The following ALG13 variants were observed in gnomAD, a reference collection of about 807,000 sequenced individuals.
ALG13 encodes ALG13 UDP-N-acetylglucosaminyltransferase subunit.
In ALG13, 11 loss-of-function variants were observed where a neutral mutation model predicts 87.8. The ratio of observed to expected loss-of-function variants is 0.13; its 90% confidence interval spans 0.08 to 0.21. The LOEUF (loss-of-function observed/expected upper bound fraction) is 0.21. Among genes scored for constraint, ALG13 ranks in the 10% least tolerant of loss-of-function variants. The probability of loss-of-function intolerance (pLI) is 1.00; values close to 1 mark genes in which losing one functional copy is unlikely to be tolerated. For missense variants in ALG13, 756 were observed against 866.1 expected (o/e 0.87, Z 1.60); for synonymous variants, 320 against 306.3 (o/e 1.04, Z -0.47).
chrX:111,701,598 G>A (rs772892384), intron 3 of ALG13, among the ~76,000 whole-genome samples: 2 of 111,592 alleles, frequency 1.8e-5, no homozygotes, highest in African/African-American at 3.2e-5. Context: ...CTAGCTAAGG[G>A]TAGGTCAATT....
Position 111,759,845 on chromosome X carries a change from C to G in ALG13, c.3260C>G (p.Pro1087Arg), listed in dbSNP as rs1945596491. ...TTGCCAGGTTTTGACTCCTGCCTTC[C>G]GGTTGTGCCAGATTATTCCTGTGTT... ...PPLPGFDSCL[P>R]VVPDYSCVPP... The change falls in exon 27 of 27, where the codon CCG becomes CGG. Residue 1087 changes from proline (P) to arginine (R), a missense_variant. Around this residue, in one of 9 missense-constraint regions of ALG13, gnomAD observed 110 missense variants for 104.9 expected, o/e 1.05. Coordinates refer to ENST00000394780, the MANE Select transcript of ALG13 (RefSeq NM_001099922.3). 1 of 1,209,022 alleles carries G rather than the reference C, an allele frequency of 8.3e-7. No individual in the cohort carries two copies. The highest frequency in any genetic ancestry group is 1.1e-6 in the Non-Finnish European group (1 of 894,954).
rs760647047 is a variant in ALG13, at chrX:111,711,743, G to T, written c.885+18G>T. ...ATCCCAAGGTAAGATCAAATATGGG[G>T]GTTTAATCTTTTCAGAGTTATTTGG... On this transcript the variant is annotated intron_variant, in intron 6 of 26. Coordinates refer to ENST00000394780, the MANE Select transcript of ALG13 (RefSeq NM_001099922.3). 5 of 1,186,893 alleles carry T rather than the reference G, an allele frequency of 4.2e-6. No homozygotes were observed. The highest frequency in any genetic ancestry group is 5.7e-6 in the Non-Finnish European group (5 of 878,707).
At chrX:111,747,441 C>A (rs1212956916) in intron 24 of ALG13, among the ~76,000 whole-genome samples, 1 of 111,994 alleles carries the variant, frequency 8.9e-6, no homozygotes, top group Non-Finnish European at 1.9e-5. Flanking sequence ...TTGGTTGCTC[C>A]CACTTTTGGT....
At chrX:111,749,058 C>A (rs1221460130) in intron 24 of ALG13, among the ~76,000 whole-genome samples, 1 of 111,235 alleles carries the variant, frequency 9.0e-6, no homozygotes, top group African/African-American at 3.3e-5. Context: ...GCACTCCAGC[C>A]TGGGTGACAG....
chrX:111,682,015 A>T, intron 1 of ALG13, 117 bp from the exon 2 acceptor site: 1 of 890,556 alleles, frequency 1.1e-6, no homozygotes, highest in East Asian at 3.6e-5. Flanking sequence ...GGCCACAGAT[A>T]GGCTTTTTGG....
At chrX:111,744,954 T>C in intron 24 of ALG13, 50 bp downstream of exon 24, 1 of 1,022,187 alleles carries the variant, frequency 9.8e-7, no homozygotes, top group Non-Finnish European at 1.4e-6. Context: ...TAAAAAATAT[T>C]GTTAGAGCAT....
intron 3 of ALG13, among the ~76,000 whole-genome samples, chrX:111,692,987 C>T (rs1166766052): frequency 1.8e-5 from 2 of 109,555 alleles, no homozygotes; most frequent in African/African-American, 6.7e-5. Context: ...TGCCATGTTG[C>T]GCAGGCTGGT....
intron 24 of ALG13, among the ~76,000 whole-genome samples, chrX:111,746,949 C>T (rs1266998455): frequency 9.0e-6 from 1 of 111,354 alleles, no homozygotes; most frequent in Admixed American, 9.6e-5. Context: ...GAGAGGAAGG[C>T]ATAGGGATTT....
At chrX:111,694,699 T>A (rs1009781113) in intron 3 of ALG13, among the ~76,000 whole-genome samples, 1 of 112,107 alleles carries the variant, frequency 8.9e-6, no homozygotes, top group Non-Finnish European at 1.9e-5. Context: ...TCTTTTTGAA[T>A]GATCATTTCT....
In ALG13 at chrX:111,690,354, A is replaced by T. The variant is rs913151563; in HGVS notation, c.383+5251A>T. ...ATTGGGAAATTTGCACCATGGATAG[A>T]TTAAGAGGTAGACAGTTAATAGAAC... is the stretch of plus-strand genomic sequence containing the variant. On this transcript the variant is annotated intron_variant, in intron 3 of 26. Transcript: ENST00000394780. The T allele has an allele frequency of 9.3e-6, 7 of 751,154 alleles. No homozygotes were observed. The African/African-American group carries it at 1.4e-4, about 15-fold the overall frequency. The allele number at this position is 751,154 out of a possible 1,213,427, so 61.9% of individuals were successfully genotyped here.
At chrX:111,682,904 T>C (rs1220056489) in intron 2 of ALG13, among the ~76,000 whole-genome samples, 1 of 112,072 alleles carries the variant, frequency 8.9e-6, no homozygotes, top group East Asian at 2.8e-4. Flanking sequence ...AGGACCGCCC[T>C]GATGGTCTAG....
chrX:111,760,032 A>G lies in ALG13; in HGVS notation c.*33A>G, dbSNP rs767151755. On this transcript the variant is annotated 3_prime_UTR_variant, in exon 27 of 27. Transcript: ENST00000394780. ...CAGTATGAAGTATTCTTGCACTGCC[A>G]TTTTCTTGCTGTTTTTGTTTTTAAA... 1 of 1,175,688 alleles carries G rather than the reference A, an allele frequency of 8.5e-7. No homozygotes were observed. The highest frequency in any genetic ancestry group is 3.0e-5 in the East Asian group (1 of 33,227).
Position 111,749,510 on chromosome X carries a change from A to G in ALG13, c.2933-3280A>G, listed in dbSNP as rs887851008. ...CACTATCAAATTTTACCAAAAAAAAAAAAACGTCTGGAAATTAGGGATTGT... is the reference window on the plus strand; with the variant it reads ...CACTATCAAATTTTACCAAAAAAAAGAAAACGTCTGGAAATTAGGGATTGT... On this transcript the variant is annotated intron_variant, in intron 24 of 26. Transcript: ENST00000394780. Among the ~76,000 whole-genome samples the G allele has an allele frequency of 3.6e-5, 4 of 110,651 alleles. No individual in the cohort carries two copies. The East Asian group carries it at 1.1e-3, about 31-fold the overall frequency.
chrX:111,735,836 TA>T (rs1221399300), intron 22 of ALG13, among the ~76,000 whole-genome samples: 2 of 110,836 alleles, frequency 1.8e-5, no homozygotes, highest in African/African-American at 6.6e-5. Context: ...GTGAGGACAG[TA>T]TGTTCAAGAA....
chrX:111,732,074 C>T (rs1391873914), intron 21 of ALG13, among the ~76,000 whole-genome samples: 1 of 111,706 alleles, frequency 9.0e-6, no homozygotes, highest in African/African-American at 3.2e-5. Context: ...ACAGTTGTTC[C>T]TTCAACCCTG....
In ALG13 at chrX:111,718,014, C is replaced by T. The variant is rs1602693194; in HGVS notation, c.1087+87C>T. 2.8e-6 allele frequency: 3 copies of T among 1,069,310 alleles called. No homozygotes were observed. In the East Asian group the frequency reaches 9.4e-5, roughly 34 times the overall value. The allele number at this position is 1,069,310 out of a possible 1,213,427, so 88.1% of individuals were successfully genotyped here. ...CCACCATGAATAGCCCCTTTAAAAC[C>T]TTGTTGGTACCTATTTGCACGCAGG... On this transcript the variant is annotated intron_variant, in intron 9 of 26. Transcript: ENST00000394780.
rs2148264402 is a variant in ALG13 at position 111,730,571 on chromosome X, A to G, written c.2448A>G (p.Thr816=). 3 of 1,183,425 alleles carry G rather than the reference A, an allele frequency of 2.5e-6. No individual in the cohort carries two copies. The highest frequency in any genetic ancestry group is 2.8e-4 in the Middle Eastern group (1 of 3,560). The change falls in exon 21 of 27, where the codon ACA becomes ACG. Residue 816 remains threonine (T), a synonymous_variant. Coordinates refer to ENST00000394780, the MANE Select transcript of ALG13 (RefSeq NM_001099922.3). ...GTGTTTATAGCACAACTGCATCTAC[A>G]GCAAACTTGGTAGGTATTTAATAAT... ...TSGVYSTTAS[T]ANLSLQDRKS...
At chrX:111,746,902 C>T (rs181967926) in intron 24 of ALG13, among the ~76,000 whole-genome samples, 142 of 111,629 alleles carry the variant, frequency 1.3e-3, no homozygotes, top group African/African-American at 4.5e-3. Flanking sequence ...GTAAAAAAAT[C>T]TATTTTATAG....
At chrX:111,751,108 T>C (rs1253903937) in intron 24 of ALG13, among the ~76,000 whole-genome samples, 2 of 101,037 alleles carry the variant, frequency 2.0e-5, no homozygotes, top group East Asian at 6.2e-4. Flanking sequence ...CTTGCTCTGT[T>C]GCCAGGCTGA....
Sources: allele counts gnomAD v4.1 joint callset (sites outside exome capture counted in the v4.1 genomes callset), GRCh38; gene constraint gnomAD v4.1.1; regional missense constraint gnomAD v4.1.1; transcripts MANE v1.5; gene names NCBI Gene and HGNC (gene_info 2026-07-23, HGNC 2026-07-21).